The following NFIB variants were observed in gnomAD, a reference collection of about 807,000 sequenced individuals.
NFIB encodes nuclear factor 1 B-type.
In NFIB, 11 loss-of-function variants were observed where a neutral mutation model predicts 61.5. The observed-to-expected ratio is 0.18, with a 90% CI of 0.11 to 0.30. The LOEUF is 0.30. NFIB is among the 10% of genes least tolerant of loss of function. The pLI, the probability that NFIB is intolerant of heterozygous loss-of-function variation, is 1.00. For synonymous variants in NFIB, 260 were observed against 216.5 expected, an observed-to-expected ratio of 1.20 and a Z score of -1.76; for missense variants, 471 against 608.9, an observed-to-expected ratio of 0.77 and a Z score of 2.38.
intron 1 of NFIB, among the ~76,000 whole-genome samples, chr9:14,381,563 T>C (rs2061489844): frequency 6.6e-6 from 1 of 152,214 alleles, no homozygotes. Context: ...GTCTGGGAAT[T>C]CTAAGGAAGT....
chr9:14,403,560 T>C (rs886418201), upstream of NFIB, among the ~76,000 whole-genome samples: 6 of 152,162 alleles, frequency 3.9e-5, no homozygotes, highest in South Asian at 4.2e-4. Context: ...TTCTCTTTTT[T>C]CCTAAAGAGC....
At chr9:14,470,816 C>T in the NFIB span, among the ~76,000 whole-genome samples, 8 of 152,170 alleles carry the variant, frequency 5.3e-5, no homozygotes, top group African/African-American at 1.9e-4. Context: ...ACTCTAATCA[C>T]AATTTGTTGT....
At chr9:14,473,745 C>T in the NFIB span, among the ~76,000 whole-genome samples, 1 of 152,220 alleles carries the variant, frequency 6.6e-6, no homozygotes, top group Non-Finnish European at 1.5e-5. Flanking sequence ...CACACAAATG[C>T]ACTTGCCTTT....
At chr9:14,425,375 G>T in the NFIB span, among the ~76,000 whole-genome samples, 1 of 152,046 alleles carries the variant, frequency 6.6e-6, no homozygotes, top group South Asian at 2.1e-4. Flanking sequence ...GTACCAGCAG[G>T]AATCGAGGGC....
At chr9:14,119,585 G>A (rs1210144839) in intron 8 of NFIB, among the ~76,000 whole-genome samples, 1 of 152,136 alleles carries the variant, frequency 6.6e-6, no homozygotes, top group African/African-American at 2.4e-5. Flanking sequence ...AGTAATGACG[G>A]AATGTTTGTG....
chr9:14,282,355 T>C (rs887110665), intron 2 of NFIB, among the ~76,000 whole-genome samples: 47 of 152,136 alleles, frequency 3.1e-4, no homozygotes, highest in African/African-American at 1.1e-3. Flanking sequence ...TATTAAAGCA[T>C]GATGTTCTCA....
chr9:14,391,816 T>C (rs927856188), intron 1 of NFIB, among the ~76,000 whole-genome samples: 3 of 152,196 alleles, frequency 2.0e-5, no homozygotes, highest in African/African-American at 7.2e-5. Context: ...AGTTGCCTAC[T>C]TGGCCCTCTT....
intron 2 of NFIB, among the ~76,000 whole-genome samples, chr9:14,205,483 T>C (rs1372907638): frequency 2.0e-5 from 3 of 151,992 alleles, no homozygotes; most frequent in Non-Finnish European, 4.4e-5. Context: ...TTTTCTCTGT[T>C]AAACTTAAAT....
intron 10 of NFIB, among the ~76,000 whole-genome samples, chr9:14,112,718 T>C (rs2037557336): frequency 6.6e-6 from 1 of 152,196 alleles, no homozygotes; most frequent in Non-Finnish European, 1.5e-5. Flanking sequence ...CAATAGCCAA[T>C]GAGACTGAGA....
At chr9:14,469,932 A>G in the NFIB span, among the ~76,000 whole-genome samples, 1 of 152,098 alleles carries the variant, frequency 6.6e-6, no homozygotes, top group Admixed American at 6.5e-5. Flanking sequence ...CAAATATTCT[A>G]TTTGTGTTGT....
At chr9:14,170,407 T>A (rs1461221371) in intron 3 of NFIB, among the ~76,000 whole-genome samples, 1 of 152,138 alleles carries the variant, frequency 6.6e-6, no homozygotes, top group Non-Finnish European at 1.5e-5. Flanking sequence ...TTTGGGAGGC[T>A]GAGGTGGGAG....
intron 2 of NFIB, among the ~76,000 whole-genome samples, chr9:14,243,751 G>A (rs1265493789): frequency 1.3e-5 from 2 of 152,010 alleles, no homozygotes; most frequent in African/African-American, 4.8e-5. Context: ...AGCCTAAAAG[G>A]CAGAAATGTT....
chr9:14,133,761 G>C (rs1473189179), intron 6 of NFIB, among the ~76,000 whole-genome samples: 2 of 152,144 alleles, frequency 1.3e-5, no homozygotes, highest in Non-Finnish European at 2.9e-5. Flanking sequence ...GCCAGATTGG[G>C]GCAGCATCTA....
At chr9:14,189,203 G>A (rs1366217540) in intron 2 of NFIB, among the ~76,000 whole-genome samples, 1 of 152,112 alleles carries the variant, frequency 6.6e-6, no homozygotes, top group African/African-American at 2.4e-5. Context: ...GTCACTTCAT[G>A]TATTTTCCCA....
At chr9:14,137,999 A>G (rs1448863593) in intron 6 of NFIB, among the ~76,000 whole-genome samples, 1 of 152,158 alleles carries the variant, frequency 6.6e-6, no homozygotes, top group Non-Finnish European at 1.5e-5. Context: ...AAAATCATAA[A>G]CATAATATCT....
At chr9:14,440,601 G>T in the NFIB span, among the ~76,000 whole-genome samples, 2 of 152,310 alleles carry the variant, frequency 1.3e-5, no homozygotes, top group African/African-American at 4.8e-5. Flanking sequence ...GAAAGAGACT[G>T]CTGTCCAACT....
chr9:14,520,617 T>C, the NFIB span, among the ~76,000 whole-genome samples: 1 of 152,296 alleles, frequency 6.6e-6, no homozygotes, highest in African/African-American at 2.4e-5. Context: ...AACACAGGAA[T>C]CTGAAGCACT....
chr9:14,354,087 GGATT>G (rs1229636098), intron 1 of NFIB, among the ~76,000 whole-genome samples: 2 of 151,918 alleles, frequency 1.3e-5, no homozygotes, highest in African/African-American at 4.8e-5. Context: ...ATGTTGATTG[GGATT>G]GATTAAATCA....
At chr9:14,458,023 C>T in the NFIB span, among the ~76,000 whole-genome samples, 4 of 152,132 alleles carry the variant, frequency 2.6e-5, no homozygotes, top group Non-Finnish European at 4.4e-5. Flanking sequence ...TTTATGAGGC[C>T]AGCATCATCC....
Sources: gnomAD v4.1 joint callset for allele counts (sites outside exome capture counted in the v4.1 genomes callset) on GRCh38, gnomAD v4.1.1 for gene constraint, MANE v1.5 for transcripts, NCBI Gene and HGNC (gene_info 2026-07-23, HGNC 2026-07-21) for gene names.